Variants in GPC5 observed in about 807,000 individuals in gnomAD.
GPC5 encodes glypican 5.
In GPC5, 47 loss-of-function variants were observed where a neutral mutation model predicts 53.9. That is an observed-to-expected ratio of 0.87 (90% CI 0.69 to 1.11). GPC5 has a LOEUF of 1.11. Among genes scored for constraint, GPC5 ranks in the 50% most tolerant of loss-of-function variants. The probability of loss-of-function intolerance (pLI) is 0.00; values close to 1 mark genes in which losing one functional copy is unlikely to be tolerated. For missense variants in GPC5, 748 were observed against 713.1 expected, an observed-to-expected ratio of 1.05 and a Z score of -0.56; for synonymous variants, 286 against 263.3, an observed-to-expected ratio of 1.09 and a Z score of -0.84.
At chr13:91,852,466 T>C (rs1176261971) in intron 5 of GPC5, among the ~76,000 whole-genome samples, 4 of 152,040 alleles carry the variant, frequency 2.6e-5, no homozygotes, top group Admixed American at 2.0e-4. Context: ...TTTAGAAATA[T>C]GTCCATGGTG....
intron 7 of GPC5, among the ~76,000 whole-genome samples, chr13:92,541,242 C>T (rs997981381): frequency 1.3e-5 from 2 of 151,670 alleles, no homozygotes; most frequent in African/African-American, 4.8e-5. Flanking sequence ...GAAATTGAAT[C>T]CCTTGGGTGT....
chr13:92,812,632 G>A (rs1877336922), intron 7 of GPC5, among the ~76,000 whole-genome samples: 1 of 151,694 alleles, frequency 6.6e-6, no homozygotes, highest in Non-Finnish European at 1.5e-5. Context: ...TAAGAAAAAG[G>A]AATAAAAGGT....
chr13:92,821,342 T>C (rs1877665262), intron 7 of GPC5, among the ~76,000 whole-genome samples: 1 of 152,210 alleles, frequency 6.6e-6, no homozygotes, highest in African/African-American at 2.4e-5. Flanking sequence ...TAATTAGAAT[T>C]ATGCATGCAT....
intron 5 of GPC5, among the ~76,000 whole-genome samples, chr13:91,894,005 G>C (rs2039415522): frequency 6.6e-6 from 1 of 150,806 alleles, no homozygotes; most frequent in South Asian, 2.1e-4. Context: ...TTTTTATGTT[G>C]GATATAAATA....
intron 5 of GPC5, among the ~76,000 whole-genome samples, chr13:91,804,096 G>C (rs1458546919): frequency 6.6e-6 from 1 of 152,180 alleles, no homozygotes; most frequent in Non-Finnish European, 1.5e-5. Flanking sequence ...AGATCTCATT[G>C]AATATCTGGA....
intron 7 of GPC5, among the ~76,000 whole-genome samples, chr13:92,605,621 C>T (rs557242529): frequency 2.1e-5 from 3 of 142,944 alleles, no homozygotes; most frequent in Admixed American, 7.0e-5. Flanking sequence ...CTCGCTCTGT[C>T]GCCCAGGCCG....
intron 7 of GPC5, among the ~76,000 whole-genome samples, chr13:92,853,272 C>A (rs971297518): frequency 2.0e-5 from 3 of 152,090 alleles, no homozygotes; most frequent in African/African-American, 7.2e-5. Context: ...AAGTACACTA[C>A]AATGAGGTAT....
chr13:92,159,359 C>T (rs2041969157), intron 7 of GPC5, among the ~76,000 whole-genome samples: 1 of 152,082 alleles, frequency 6.6e-6, no homozygotes, highest in Admixed American at 6.6e-5. Context: ...ATATTAGCAG[C>T]TAGGATAAAC....
At chr13:92,438,383 AATATATATATATAT>A (rs66984887) in intron 7 of GPC5, among the ~76,000 whole-genome samples, 4 of 123,740 alleles carry the variant, frequency 3.2e-5, no homozygotes, top group Non-Finnish European at 5.0e-5. Flanking sequence ...AAGCAAAATA[AATATATATATATAT>A]ATATATATAT....
chr13:91,773,689 C>T (rs1166835461), intron 5 of GPC5, among the ~76,000 whole-genome samples: 3 of 152,064 alleles, frequency 2.0e-5, no homozygotes, highest in Non-Finnish European at 4.4e-5. Context: ...TAGTCCAGAC[C>T]GATAGATCAA....
intron 2 of GPC5, among the ~76,000 whole-genome samples, chr13:91,671,780 C>CCAAAAAAAAAAAAAAAAAAAAAAA (rs2035249718): frequency 3.0e-5 from 1 of 33,124 alleles, no homozygotes; most frequent in Non-Finnish European, 5.8e-5. Context: ...CAATCTGAAG[C>CCAAAAAAAAAAAAAAAAAAAAAAA]AAAAAAAAAA....
intron 6 of GPC5, among the ~76,000 whole-genome samples, chr13:92,061,140 C>A (rs1404883230): frequency 6.6e-6 from 1 of 151,940 alleles, no homozygotes; most frequent in African/African-American, 2.4e-5. Flanking sequence ...AATGGCAGAA[C>A]CTATTGCTTT....
intron 7 of GPC5, among the ~76,000 whole-genome samples, chr13:92,305,480 G>T (rs1053062146): frequency 1.3e-5 from 2 of 151,560 alleles, no homozygotes; most frequent in Non-Finnish European, 2.9e-5. Context: ...GGATCAACTG[G>T]TTTTTTAAAA....
intron 6 of GPC5, among the ~76,000 whole-genome samples, chr13:91,991,692 A>G (rs969529015): frequency 6.6e-6 from 1 of 152,158 alleles, no homozygotes; most frequent in Non-Finnish European, 1.5e-5. Context: ...ACATTTTTTA[A>G]TAGGAAACAT....
At chr13:91,981,136 T>A (rs902985069) in intron 6 of GPC5, among the ~76,000 whole-genome samples, 1 of 152,186 alleles carries the variant, frequency 6.6e-6, no homozygotes, top group Non-Finnish European at 1.5e-5. Context: ...GAACCACGTA[T>A]GTTCATGTTT....
intron 7 of GPC5, among the ~76,000 whole-genome samples, chr13:92,862,666 T>C (rs1051577510): frequency 8.6e-5 from 13 of 151,146 alleles, no homozygotes; most frequent in African/African-American, 3.2e-4. Context: ...GATAGATAGA[T>C]AGATTTGACT....
At chr13:92,282,086 A>T (rs1490342092) in intron 7 of GPC5, among the ~76,000 whole-genome samples, 2 of 152,256 alleles carry the variant, frequency 1.3e-5, no homozygotes, top group African/African-American at 4.8e-5. Context: ...TGGCACGAGA[A>T]CTATGTGACG....
intron 7 of GPC5, among the ~76,000 whole-genome samples, chr13:92,850,946 G>T (rs1022928142): frequency 6.6e-6 from 1 of 152,142 alleles, no homozygotes; most frequent in African/African-American, 2.4e-5. Flanking sequence ...ATAAATAAAA[G>T]AGTTTAAATT....
intron 7 of GPC5, among the ~76,000 whole-genome samples, chr13:92,380,957 T>C (rs1020919585): frequency 1.8e-4 from 28 of 151,958 alleles, no homozygotes; most frequent in African/African-American, 6.0e-4. Flanking sequence ...TACCTAAGGA[T>C]TTCACTTTTG....
Sources: gnomAD v4.1 joint callset for allele counts (sites outside exome capture counted in the v4.1 genomes callset) on GRCh38, gnomAD v4.1.1 for gene constraint, MANE v1.5 for transcripts, NCBI Gene and HGNC (gene_info 2026-07-23, HGNC 2026-07-21) for gene names.